Variants in PCDH15 observed in about 807,000 individuals in gnomAD.
PCDH15 encodes the protein protocadherin-15.
Under a neutral mutation model 178.5 loss-of-function variants are expected in PCDH15, and 129 were observed. The ratio of observed to expected loss-of-function variants is 0.72; its 90% CI spans 0.63 to 0.84. PCDH15 has a LOEUF of 0.84. Ranked by LOEUF, PCDH15 falls within the 40% of genes least tolerant of loss-of-function variation. PCDH15 has a pLI of 0.00. For synonymous variants in PCDH15, 800 were observed against 732.0 expected, an observed-to-expected ratio of 1.09 and a Z score of -1.50; for missense variants, 2,230 against 2,099.9, an observed-to-expected ratio of 1.06 and a Z score of -1.21.
At chr10:54,263,096 A>T (rs1417649930) in intron 8 of PCDH15, among the ~76,000 whole-genome samples, 1 of 151,314 alleles carries the variant, frequency 6.6e-6, no homozygotes, top group Non-Finnish European at 1.5e-5. Context: ...TCTTTGTCTC[A>T]TGTTGTGTTT....
chr10:55,199,895 T>G (rs1840196743), intron 1 of PCDH15, among the ~76,000 whole-genome samples: 1 of 152,076 alleles, frequency 6.6e-6, no homozygotes, highest in African/African-American at 2.4e-5. Flanking sequence ...AAGCAAGAAT[T>G]AAGGTTTGGT....
chr10:54,703,036 A>G (rs756147461), intron 1 of PCDH15, among the ~76,000 whole-genome samples: 1 of 152,184 alleles, frequency 6.6e-6, no homozygotes, highest in Non-Finnish European at 1.5e-5. Context: ...ACCATGATCA[A>G]GTAGGCTTTA....
At position 54,799,316 on chromosome 10, in the gene PCDH15, A is replaced by T. The variant is rs918580495; in HGVS notation, c.-29+1609T>A. ...CCATGCAAAATTTAAATGTGAACAA[A>T]TTAAGAGCAAAGTTGTAATGGACAT... On this transcript the variant is annotated intron_variant, in intron 1 of 37. Coordinates refer to ENST00000644397, the MANE Select transcript of PCDH15 (RefSeq NM_001384140.1). 3.9e-5 allele frequency among the ~76,000 whole-genome samples: 6 copies of T among 152,180 alleles called. No individual in the cohort carries two copies. In the East Asian group the frequency reaches 1.2e-3, roughly 29 times the overall value.
At chr10:55,174,732 C>CT (rs1445022451) in intron 1 of PCDH15, among the ~76,000 whole-genome samples, 3 of 152,264 alleles carry the variant, frequency 2.0e-5, no homozygotes, top group Admixed American at 6.5e-5. Context: ...CCTGTCCTCC[C>CT]TATCCATGTT....
chr10:55,314,447 A>G (rs1196279954), intron 1 of PCDH15, among the ~76,000 whole-genome samples: 1 of 152,046 alleles, frequency 6.6e-6, no homozygotes, highest in Admixed American at 6.6e-5. Flanking sequence ...CCTGGCTCTC[A>G]TCATAATGGG....
chr10:54,729,801 C>T (rs917886090), intron 1 of PCDH15, among the ~76,000 whole-genome samples: 3 of 151,296 alleles, frequency 2.0e-5, no homozygotes, highest in South Asian at 2.1e-4. Flanking sequence ...CCTATAAAAA[C>T]ATTCTCATCA....
chr10:55,580,456 C>T lies in PCDH15; in HGVS notation c.-156+47169G>A, dbSNP rs140045320. The stretch of plus-strand genomic sequence containing the variant: ...CACTGCAACCTCTGCCTCCTGGGTT[C>T]AAGCAATTCTCCTGCCTCAGCCTCT... On this transcript the variant is annotated intron_variant, in intron 2 of 5. Transcript: ENST00000613346. Among the ~76,000 whole-genome samples the T allele has an allele frequency of 6.4e-4, 97 of 150,892 alleles. 1 individual carries two copies. The highest frequency in any genetic ancestry group is 2.2e-3 in the African/African-American group (90 of 41,098).
chr10:55,493,838 T>C (rs1399706672), intron 2 of PCDH15, among the ~76,000 whole-genome samples: 2 of 151,860 alleles, frequency 1.3e-5, no homozygotes, highest in African/African-American at 2.4e-5. Flanking sequence ...CAAAGAGTCA[T>C]GGAAAAGTTA....
intron 2 of PCDH15, among the ~76,000 whole-genome samples, chr10:55,022,760 G>T (rs1003437574): frequency 1.4e-5 from 2 of 146,966 alleles, no homozygotes; most frequent in African/African-American, 2.5e-5. Flanking sequence ...ACCCAGGCTG[G>T]AGTGCAGTGG....
intron 3 of PCDH15, among the ~76,000 whole-genome samples, chr10:54,824,027 A>G (rs945724344): frequency 2.6e-5 from 4 of 152,162 alleles, no homozygotes; most frequent in African/African-American, 9.7e-5. Context: ...CTATCAAAGC[A>G]TATTAGCACA....
chr10:55,600,147 G>A (rs1220273085), intron 2 of PCDH15: 4 of 314,092 alleles, frequency 1.3e-5, no homozygotes, highest in East Asian at 1.1e-4. Context: ...GGTGGATCAC[G>A]AGGTCAGGAG....
chr10:54,748,599 C>T (rs1945783921), intron 1 of PCDH15, among the ~76,000 whole-genome samples: 1 of 152,088 alleles, frequency 6.6e-6, no homozygotes, highest in Admixed American at 6.6e-5. Flanking sequence ...GATAAAGCAC[C>T]ATCCCTTTAC....
At chr10:54,107,633 G>A (rs1293411359) in intron 15 of PCDH15, among the ~76,000 whole-genome samples, 2 of 152,182 alleles carry the variant, frequency 1.3e-5, no homozygotes, top group Non-Finnish European at 2.9e-5. Context: ...AGTCTAATGA[G>A]GGTGAGTAGG....
chr10:54,418,206 T>G (rs1365816282), intron 3 of PCDH15, among the ~76,000 whole-genome samples: 9 of 152,134 alleles, frequency 5.9e-5, no homozygotes, highest in African/African-American at 2.2e-4. Flanking sequence ...ACAGAGTACT[T>G]GAATGGTACA....
At chr10:55,603,219 A>T (rs187340694) in intron 2 of PCDH15, among the ~76,000 whole-genome samples, 4 of 152,176 alleles carry the variant, frequency 2.6e-5, no homozygotes, top group Admixed American at 1.3e-4. Context: ...AAACGAGCAA[A>T]GCCTCCAAGA....
intron 2 of PCDH15, among the ~76,000 whole-genome samples, chr10:55,529,400 T>G (rs2132061346): frequency 6.6e-6 from 1 of 152,080 alleles, no homozygotes; most frequent in South Asian, 2.1e-4. Context: ...GAATTAATTT[T>G]TGATGAAGTC....
At chr10:54,500,509 A>C (rs2080569253) in intron 3 of PCDH15, among the ~76,000 whole-genome samples, 1 of 152,112 alleles carries the variant, frequency 6.6e-6, no homozygotes, top group Admixed American at 6.6e-5. Context: ...TTAGGAGAGG[A>C]CAGGGGTCTA....
chr10:54,845,005 T>C (rs1304875720), intron 3 of PCDH15, among the ~76,000 whole-genome samples: 1 of 151,978 alleles, frequency 6.6e-6, no homozygotes, highest in Non-Finnish European at 1.5e-5. Flanking sequence ...TGAGTTCTTT[T>C]TAATGAAAAA....
chr10:54,548,887 C>T (rs1298890940), intron 2 of PCDH15, among the ~76,000 whole-genome samples: 2 of 150,796 alleles, frequency 1.3e-5, no homozygotes, highest in Non-Finnish European at 3.0e-5. Context: ...AACATAATTG[C>T]TAGTGCTAGA....
Sources: gnomAD v4.1 joint callset for allele counts (sites outside exome capture counted in the v4.1 genomes callset) on GRCh38, gnomAD v4.1.1 for gene constraint, MANE v1.5 for transcripts, NCBI Gene and HGNC (gene_info 2026-07-23, HGNC 2026-07-21) for gene names.